The following ACVR1C variants were observed in gnomAD, a reference collection of about 807,000 sequenced individuals.
ACVR1C encodes activin receptor type-1C.
In ACVR1C, 23 loss-of-function variants were observed where a neutral mutation model predicts 57.9. That is an observed-to-expected ratio of 0.40 (90% CI 0.29 to 0.56). The LOEUF is 0.56. Ranked by LOEUF, ACVR1C falls within the 20% of genes least tolerant of loss-of-function variation. The probability of loss-of-function intolerance (pLI) is 0.50; values close to 1 mark genes in which losing one functional copy is unlikely to be tolerated. For synonymous variants in ACVR1C, 214 were observed against 215.3 expected (o/e 0.99, Z 0.05); for missense variants, 480 against 607.9 (o/e 0.79, Z 2.21).
Position 157,527,292 on chromosome 2 carries a change from C to T in ACVR1C, c.*6626G>A, listed in dbSNP as rs923422100. ...TTTTTTCATATTCCTTCCTTATATA[C>T]ATTCCTTTGGGCCTGTCGGCTGAAA... On this transcript the variant is annotated 3_prime_UTR_variant, in exon 9 of 9. Coordinates refer to ENST00000243349, the MANE Select transcript of ACVR1C (RefSeq NM_145259.3). The T allele has an allele frequency of 1.3e-5, 2 of 152,172 alleles. No homozygotes were observed. The highest frequency in any genetic ancestry group is 2.9e-5 in the Non-Finnish European group (2 of 68,036). 9.4% of individuals were successfully genotyped at this position (152,172 alleles called of 1,614,324 possible).
intron 3 of ACVR1C, 51 bp downstream of exon 3, chr2:157,556,042 T>A (rs937342724): frequency 2.6e-6 from 4 of 1,552,842 alleles, no homozygotes; most frequent in Non-Finnish European, 3.5e-6. Context: ...TTTATTTACT[T>A]TTAAATAAAA....
At chr2:157,580,681 C>A (rs1688769648) in intron 2 of ACVR1C, among the ~76,000 whole-genome samples, 3 of 151,686 alleles carry the variant, frequency 2.0e-5, no homozygotes, top group Middle Eastern at 6.3e-3. Context: ...AGTACAAATC[C>A]AGAGAGGGGA....
At chr2:157,597,402 CG>C in intron 1 of ACVR1C, 1 of 985,480 alleles carries the variant, frequency 1.0e-6, no homozygotes, top group South Asian at 4.7e-5. Context: ...CCCAGAGCAG[CG>C]GCCAGGAGCT....
chr2:157,609,507 AT>A (rs1198543365), intron 1 of ACVR1C, among the ~76,000 whole-genome samples: 1 of 151,964 alleles, frequency 6.6e-6, no homozygotes, highest in Non-Finnish European at 1.5e-5. Context: ...TGCAGTTTAA[AT>A]CCAATGTTTC....
At chr2:157,544,635 T>C in intron 4 of ACVR1C, 23 bp from the exon 5 acceptor site, 1 of 1,588,858 alleles carries the variant, frequency 6.3e-7, no homozygotes, top group Non-Finnish European at 8.6e-7. Flanking sequence ...TGTAATTTTG[T>C]TGTTGTAAAT....
chr2:157,587,365 T>A lies in ACVR1C; in HGVS notation c.126A>T (p.Thr42=), dbSNP rs770797099. The change falls in exon 2 of 9, where the codon ACA becomes ACT. Residue 42 remains threonine, a synonymous_variant. Coordinates refer to ENST00000243349, the MANE Select transcript of ACVR1C (RefSeq NM_145259.3). ...TGACTGATGCCCAACATGCTCCTTC[T>A]GTTTGGCAGGTGAAGTTTGAAGAAT... is the stretch of plus-strand genomic sequence containing the variant. ...LCDSSNFTCQ[T]EGACWASVML... 3.7e-6 allele frequency: 6 copies of A among 1,613,642 alleles called. No individual in the cohort carries two copies. In the East Asian group the frequency reaches 1.1e-4, roughly 30 times the overall value.
At chr2:157,605,842 A>G (rs1396103682) in intron 1 of ACVR1C, among the ~76,000 whole-genome samples, 1 of 151,612 alleles carries the variant, frequency 6.6e-6, no homozygotes, top group African/African-American at 2.4e-5. Context: ...AATATACAAT[A>G]TATTGTTGGA....
chr2:157,596,465 A>C (rs190547994), intron 1 of ACVR1C, among the ~76,000 whole-genome samples: 64 of 152,236 alleles, frequency 4.2e-4, no homozygotes, highest in Admixed American at 4.1e-3. Flanking sequence ...ACTTCTCCAA[A>C]TATTACTCCG....
At chr2:157,565,239 T>C (rs890544551) in intron 2 of ACVR1C, among the ~76,000 whole-genome samples, 12 of 152,164 alleles carry the variant, frequency 7.9e-5, no homozygotes, top group Non-Finnish European at 1.8e-4. Flanking sequence ...AACTGCACTT[T>C]GATAGGAATT....
chr2:157,581,750 C>T (rs570467248), intron 2 of ACVR1C, among the ~76,000 whole-genome samples: 2 of 152,178 alleles, frequency 1.3e-5, no homozygotes, highest in African/African-American at 2.4e-5. Flanking sequence ...AGATTTTGTC[C>T]GGCCTCTTCT....
chr2:157,572,906 C>T (rs1688553286), intron 2 of ACVR1C, among the ~76,000 whole-genome samples: 1 of 152,086 alleles, frequency 6.6e-6, no homozygotes, highest in Non-Finnish European at 1.5e-5. Context: ...CGTGTGATGG[C>T]AGAACAATTC....
chr2:157,576,047 AATAT>A (rs1325432123), intron 2 of ACVR1C, among the ~76,000 whole-genome samples: 3 of 152,042 alleles, frequency 2.0e-5, no homozygotes, highest in Non-Finnish European at 4.4e-5. Context: ...AATTATGTAC[AATAT>A]ATAGGTAGAA....
intron 1 of ACVR1C, among the ~76,000 whole-genome samples, chr2:157,610,165 A>T (rs1682500038): frequency 2.0e-5 from 3 of 151,916 alleles, no homozygotes; most frequent in African/African-American, 7.3e-5. Context: ...TGTTTTCATG[A>T]TGGTAATCTT....
intron 1 of ACVR1C, among the ~76,000 whole-genome samples, chr2:157,599,150 C>G (rs1682212607): frequency 6.6e-6 from 1 of 151,504 alleles, no homozygotes; most frequent in Non-Finnish European, 1.5e-5. Context: ...CTGGCTAACA[C>G]AGTGAAACCC....
At chr2:157,625,961 G>C (rs1288695428) in intron 1 of ACVR1C, among the ~76,000 whole-genome samples, 2 of 152,122 alleles carry the variant, frequency 1.3e-5, no homozygotes, top group African/African-American at 4.8e-5. Context: ...AGAGGAGCCT[G>C]AGTTTTTCGT....
intron 1 of ACVR1C, among the ~76,000 whole-genome samples, chr2:157,615,828 G>A (rs150143507): frequency 1.2e-3 from 186 of 152,242 alleles, no homozygotes; most frequent in Non-Finnish European, 2.0e-3. Flanking sequence ...CCCTTCATTG[G>A]TTCGTGTTTT....
At chr2:157,608,336 C>A (rs1249124846) in intron 1 of ACVR1C, among the ~76,000 whole-genome samples, 1 of 151,664 alleles carries the variant, frequency 6.6e-6, no homozygotes, top group Admixed American at 6.6e-5. Flanking sequence ...ACATAAATCC[C>A]GCTTGATTAT....
chr2:157,554,167 G>T (rs1322102295), intron 3 of ACVR1C, among the ~76,000 whole-genome samples: 1 of 124,446 alleles, frequency 8.0e-6, no homozygotes, highest in Non-Finnish European at 1.7e-5. Flanking sequence ...TAGGTAACAG[G>T]GTGAGAATCT....
chr2:157,542,828 T>C lies in ACVR1C; in HGVS notation c.978A>G (p.Ser326=). Residue 326 remains serine, a synonymous_variant, in exon 6 of 9, where the codon TCA becomes TCG. Coordinates refer to ENST00000243349, the MANE Select transcript of ACVR1C (RefSeq NM_145259.3). ...CACACTTTTTCACTAAGATATTCTT[T>C]GATTTTATGTCTCGATGAGCAATAG... ...KPAIAHRDIK[S]KNILVKKCET... is the part of the protein sequence containing the mutation. 6.2e-7 allele frequency: 1 copy of C among 1,614,098 alleles called. No individual in the cohort carries two copies. The highest frequency in any genetic ancestry group is 8.5e-7 in the Non-Finnish European group (1 of 1,179,976).
Sources: allele counts gnomAD v4.1 joint callset (sites outside exome capture counted in the v4.1 genomes callset), GRCh38; gene constraint gnomAD v4.1.1; transcripts MANE v1.5; gene names NCBI Gene and HGNC (gene_info 2026-07-23, HGNC 2026-07-21).